LRRN2: variants seen among roughly 807,000 people sequenced by gnomAD.
LRRN2 encodes leucine rich repeat neuronal 2.
A neutral mutation model predicts 35.7 loss-of-function variants in LRRN2; 10 were observed. The observed-to-expected ratio is 0.28, with a 90% confidence interval of 0.17 to 0.47. The LOEUF is 0.47. Among genes scored for constraint, LRRN2 ranks in the 20% least tolerant of loss-of-function variants. LRRN2 has a pLI of 0.99. For synonymous variants in LRRN2, 391 were observed against 409.6 expected (o/e 0.95, Z 0.55); for missense variants, 731 against 940.3 (o/e 0.78, Z 2.91).
Position 204,631,177 on chromosome 1 carries a change from G to T in LRRN2, c.-226-10959C>A, listed in dbSNP as rs967205974. ...TGATGCATGCTGAAGTTTGAGGATT[G>T]CTGGCTAGCTCATCTCTAACCTCCT... On this transcript the variant is annotated intron_variant, in intron 1 of 1. Coordinates refer to ENST00000367177, the MANE Select transcript of LRRN2 (RefSeq NM_201630.2). Among the ~76,000 whole-genome samples the T allele has an allele frequency of 3.5e-5, 5 of 143,342 alleles. No individual in the cohort carries two copies. The East Asian group carries it at 1.0e-3, about 30-fold the overall frequency. The allele number at this position is 143,342 out of a possible 152,430, so 94.0% of individuals were successfully genotyped here. A position where few individuals can be genotyped will look rare whatever the true frequency, so the allele number is the denominator to read the frequency against.
At chr1:204,679,707 C>T (rs956365064) in intron 1 of LRRN2, among the ~76,000 whole-genome samples, 1 of 152,228 alleles carries the variant, frequency 6.6e-6, no homozygotes, top group Admixed American at 6.5e-5. Flanking sequence ...GCCCCATTCT[C>T]ACGTCTCCCA....
At chr1:204,651,906 C>A (rs981866044) in intron 1 of LRRN2, among the ~76,000 whole-genome samples, 1 of 152,186 alleles carries the variant, frequency 6.6e-6, no homozygotes, top group African/African-American at 2.4e-5. Context: ...TGCCCTGCCC[C>A]GAGGCTGCTT....
chr1:204,623,058 C>T (rs751344583), intron 1 of LRRN2, among the ~76,000 whole-genome samples: 5 of 152,004 alleles, frequency 3.3e-5, no homozygotes, highest in Non-Finnish European at 7.4e-5. Context: ...TCCTAGGGCT[C>T]GATAAGTTAG....
chr1:204,635,616 G>A (rs982067205), intron 1 of LRRN2, among the ~76,000 whole-genome samples: 9 of 152,158 alleles, frequency 5.9e-5, no homozygotes, highest in Non-Finnish European at 1.0e-4. Flanking sequence ...TCCCAAACCC[G>A]GCTGGCTCCC....
chr1:204,675,973 C>T (rs1668815436), intron 1 of LRRN2, among the ~76,000 whole-genome samples: 1 of 152,176 alleles, frequency 6.6e-6, no homozygotes. Flanking sequence ...AGAGATGGGT[C>T]TCTATGCCCA....
At chr1:204,632,114 G>A (rs976977445) in intron 1 of LRRN2, among the ~76,000 whole-genome samples, 2 of 151,906 alleles carry the variant, frequency 1.3e-5, no homozygotes, top group Non-Finnish European at 2.9e-5. Flanking sequence ...CATACCTGTA[G>A]TTCTAGCTAC....
chr1:204,635,111 C>T (rs558831652), intron 1 of LRRN2, among the ~76,000 whole-genome samples: 1 of 152,200 alleles, frequency 6.6e-6, no homozygotes, highest in South Asian at 2.1e-4. Context: ...TCTAAAGATC[C>T]GATCAGATCA....
At chr1:204,680,609 C>T (rs1364619432) in intron 1 of LRRN2, among the ~76,000 whole-genome samples, 3 of 152,140 alleles carry the variant, frequency 2.0e-5, no homozygotes, top group African/African-American at 7.2e-5. Flanking sequence ...GTGCAGGAGC[C>T]CAAGGTCATG....
chr1:204,637,130 G>A (rs185047453), intron 1 of LRRN2, among the ~76,000 whole-genome samples: 1 of 152,302 alleles, frequency 6.6e-6, no homozygotes, highest in East Asian at 1.9e-4. Context: ...CCTTTACTGT[G>A]CGGTATGTTG....
intron 1 of LRRN2, among the ~76,000 whole-genome samples, chr1:204,673,250 A>C (rs1373414150): frequency 1.3e-5 from 2 of 152,210 alleles, no homozygotes; most frequent in Non-Finnish European, 2.9e-5. Context: ...ATACCCTACC[A>C]AGTCTATCAG....
At chr1:204,660,669 C>T (rs2102617654) in intron 1 of LRRN2, among the ~76,000 whole-genome samples, 1 of 152,022 alleles carries the variant, frequency 6.6e-6, no homozygotes, top group Admixed American at 6.5e-5. Flanking sequence ...GTGGTGTTTC[C>T]CATCCTTGGG....
intron 1 of LRRN2, among the ~76,000 whole-genome samples, chr1:204,652,271 G>GCCCCCGCGC (rs1668251211): frequency 2.8e-5 from 2 of 70,620 alleles, no homozygotes; most frequent in African/African-American, 1.3e-4. Flanking sequence ...CCCCCCCCCC[G>GCCCCCGCGC]CCCCCCCGCC....
At chr1:204,675,730 T>C (rs577349356) in intron 1 of LRRN2, among the ~76,000 whole-genome samples, 2 of 152,356 alleles carry the variant, frequency 1.3e-5, no homozygotes, top group South Asian at 4.1e-4. Flanking sequence ...TAGGGATTAG[T>C]ATATGGACAT....
rs1011342064 is a variant in LRRN2, at chr1:204,681,203, C to T, written c.-227+4117G>A. Among the ~76,000 whole-genome samples, 4 of 152,104 alleles carry T rather than the reference C, an allele frequency of 2.6e-5. No homozygotes were observed. In the East Asian group the frequency reaches 5.8e-4, roughly 22 times the overall value. On this transcript the variant is annotated intron_variant, in intron 1 of 1. Coordinates refer to ENST00000367177, the MANE Select transcript of LRRN2 (RefSeq NM_201630.2). ...AACTCCTGACCTCATGTGATCCACC[C>T]GCCTTGGCCTCCCTAGGATTACAGG... is the stretch of plus-strand genomic sequence containing the variant.
chr1:204,618,607 C>G lies in LRRN2; in HGVS notation c.1386G>C (p.Gly462=). 1.9e-6 allele frequency: 3 copies of G among 1,613,808 alleles called. No homozygotes were observed. The highest frequency in any genetic ancestry group is 2.5e-6 in the Non-Finnish European group (3 of 1,179,924). Residue 462 remains glycine (G), a synonymous_variant, in exon 2 of 2, where the codon GGG becomes GGC. Coordinates refer to ENST00000367177, the MANE Select transcript of LRRN2 (RefSeq NM_201630.2). ...EPEIYWVTPA[G]LRLTPAHAGR... ...CTGCATGGGCAGGTGTCAGTCGAAG[C>G]CCAGCTGGAGTGACCCAGTAGATCT... is the stretch of plus-strand genomic sequence containing the variant.
At position 204,618,235 on chromosome 1, in the gene LRRN2, G is replaced by T; in HGVS notation, c.1758C>A (p.Arg586=). ...CCCAGTACTCCGTGGCCTGAAGGAG[G>T]CGGGTAATGTTGTAGCTGTGGGTTC... ...PRGTHSYNIT[R]LLQATEYWAC... is the part of the protein sequence containing the mutation. The change falls in exon 2 of 2, where the codon CGC becomes CGA. Residue 586 remains arginine (R), a synonymous_variant. Transcript: ENST00000367177. 2.5e-6 allele frequency: 4 copies of T among 1,613,778 alleles called. No individual in the cohort carries two copies. The highest frequency in any genetic ancestry group is 3.4e-6 in the Non-Finnish European group (4 of 1,179,894).
intron 1 of LRRN2, among the ~76,000 whole-genome samples, chr1:204,661,706 G>C (rs997063510): frequency 1.3e-5 from 2 of 152,216 alleles, no homozygotes; most frequent in South Asian, 4.1e-4. Flanking sequence ...CAGCTGGGTG[G>C]CTGAGGGCTC....
intron 1 of LRRN2, among the ~76,000 whole-genome samples, chr1:204,646,832 C>T (rs1242462016): frequency 6.6e-6 from 1 of 152,160 alleles, no homozygotes; most frequent in East Asian, 1.9e-4. Context: ...ACATATATCT[C>T]TATATTCTAA....
rs185954963 is a variant in LRRN2 at position 204,623,919 on chromosome 1, G to A, written c.-226-3701C>T. Among the ~76,000 whole-genome samples the A allele has an allele frequency of 3.3e-3, 497 of 152,336 alleles. 1 individual carries two copies. The highest frequency in any genetic ancestry group is 6.8e-3 in the Middle Eastern group (2 of 294). On this transcript the variant is annotated intron_variant, in intron 1 of 1. Transcript: ENST00000367177. ...CAACAACCCTGTGTGTAGGCAAGAA[G>A]GGATTATTTAGCTCCATTTTGCCAG...
Sources: gnomAD v4.1 joint callset for allele counts (sites outside exome capture counted in the v4.1 genomes callset) on GRCh38, gnomAD v4.1.1 for gene constraint, MANE v1.5 for transcripts, NCBI Gene and HGNC (gene_info 2026-07-23, HGNC 2026-07-21) for gene names.